The following KCNJ6 variants were observed in gnomAD, a reference collection of about 807,000 sequenced individuals.
KCNJ6 encodes the protein G protein-activated inward rectifier potassium channel 2.
KCNJ6 carries 9 observed loss-of-function variants against 34.2 expected under a neutral mutation model. The observed-to-expected ratio is 0.26, with a 90% CI of 0.16 to 0.46. The LOEUF is 0.46. Among genes scored for constraint, KCNJ6 ranks in the 20% least tolerant of loss-of-function variants. The pLI, the probability that KCNJ6 is intolerant of heterozygous loss-of-function variation, is 1.00. For synonymous variants in KCNJ6, 196 were observed against 207.1 expected (o/e 0.95, Z 0.46); for missense variants, 236 against 531.3 (o/e 0.44, Z 5.46).
Position 37,671,886 on chromosome 21 carries a change from A to AT in KCNJ6, c.946+42324dup, listed in dbSNP as rs35287056. Among the ~76,000 whole-genome samples the AT allele has an allele frequency of 1.3e-3, 192 of 151,716 alleles. 1 individual carries two copies. Among genetic ancestry groups the AT allele is most frequent in the African/African-American group, 4.2e-3 (173 of 41,402 alleles). ...AGGTCCTTATGTATAGAAATTCAACATTTTTTTTTGTGTTGATCTTGTACT... is the reference window on the plus strand; with the variant it reads ...AGGTCCTTATGTATAGAAATTCAACATTTTTTTTTTGTGTTGATCTTGTACT... On this transcript the variant is annotated intron_variant, in intron 3 of 3. Transcript: ENST00000609713.
At chr21:37,655,217 GTGTGTGTGAGAGAGAGAGA>G (rs2054454962) in intron 3 of KCNJ6, among the ~76,000 whole-genome samples, 12 of 93,336 alleles carry the variant, frequency 1.3e-4, no homozygotes, top group African/African-American at 3.3e-4. Flanking sequence ...GTGTGTGTGT[GTGTGTGTGAGAGAGAGAGA>G]GAGAGAGAGA....
intron 2 of KCNJ6, among the ~76,000 whole-genome samples, chr21:37,820,300 A>G (rs192940645): frequency 2.9e-4 from 44 of 152,282 alleles, no homozygotes; most frequent in Admixed American, 2.5e-3. Flanking sequence ...TTTTGCTTGA[A>G]TAAACTCTTT....
intron 3 of KCNJ6, among the ~76,000 whole-genome samples, chr21:37,661,614 G>GTTTT (rs59026391): frequency 1.4e-4 from 10 of 71,164 alleles, no homozygotes; most frequent in African/African-American, 3.2e-4. Flanking sequence ...AAGAGACATA[G>GTTTT]TTTTTTTTTT....
chr21:37,715,069 G>A lies in KCNJ6; in HGVS notation c.88C>T (p.Pro30Ser). The change falls in exon 3 of 4, where the codon CCA (proline) becomes TCA (serine). Residue 30 changes from proline to serine, a missense_variant. This residue lies in a region of KCNJ6 where 64 missense variants were observed against 68.9 expected (regional missense o/e 0.93). Coordinates refer to ENST00000609713, the MANE Select transcript of KCNJ6 (RefSeq NM_002240.5). Reference protein sequence around the residue: ...DVESPVAIHQPKLPKQARDDL... With the variant: ...DVESPVAIHQSKLPKQARDDL... The stretch of plus-strand genomic sequence containing the variant: ...TCCCTGGCCTGCTTAGGCAACTTTG[G>A]CTGGTGAATGGCCACTGGGCTTTCG... The A allele has an allele frequency of 6.2e-7, 1 of 1,614,168 alleles. No individual in the cohort carries two copies. Among genetic ancestry groups the A allele is most frequent in the Non-Finnish European group, 8.5e-7 (1 of 1,180,020 alleles).
At chr21:37,657,980 G>A (rs1045509235) in intron 3 of KCNJ6, among the ~76,000 whole-genome samples, 1 of 152,242 alleles carries the variant, frequency 6.6e-6, no homozygotes, top group Non-Finnish European at 1.5e-5. Flanking sequence ...GCCTTGCCTT[G>A]CAGGGCTGGT....
intron 2 of KCNJ6, among the ~76,000 whole-genome samples, chr21:37,797,006 G>A (rs1011268332): frequency 6.6e-6 from 1 of 151,486 alleles, no homozygotes; most frequent in African/African-American, 2.4e-5. Context: ...TGTTAGCCAG[G>A]ATGGTCTCGA....
At chr21:37,630,029 G>C (rs576246071) in intron 3 of KCNJ6, among the ~76,000 whole-genome samples, 80 of 152,162 alleles carry the variant, frequency 5.3e-4, no homozygotes, top group African/African-American at 1.9e-3. Flanking sequence ...TTAGGTCCCA[G>C]TCCAGTCTTT....
intron 3 of KCNJ6, among the ~76,000 whole-genome samples, chr21:37,673,074 A>C (rs1386486963): frequency 6.6e-6 from 1 of 152,268 alleles, no homozygotes; most frequent in East Asian, 1.9e-4. Context: ...GAGCAATAAT[A>C]TTCATTATTG....
chr21:37,656,485 C>T (rs1173140093), intron 3 of KCNJ6, among the ~76,000 whole-genome samples: 1 of 152,156 alleles, frequency 6.6e-6, no homozygotes, highest in African/African-American at 2.4e-5. Context: ...CATGGTGGCC[C>T]CCCACCCAGG....
intron 3 of KCNJ6, among the ~76,000 whole-genome samples, chr21:37,625,783 G>A (rs750021941): frequency 4.6e-5 from 7 of 152,208 alleles, no homozygotes; most frequent in Non-Finnish European, 8.8e-5. Context: ...ACAAGTTTTC[G>A]CATGTGCATG....
chr21:37,659,621 C>T (rs1459412709), intron 3 of KCNJ6, among the ~76,000 whole-genome samples: 1 of 152,212 alleles, frequency 6.6e-6, no homozygotes, highest in Non-Finnish European at 1.5e-5. Flanking sequence ...CTCAGATCCC[C>T]CCGACCTGGG....
chr21:37,806,866 T>A (rs1002176650), intron 2 of KCNJ6, among the ~76,000 whole-genome samples: 3 of 152,230 alleles, frequency 2.0e-5, no homozygotes, highest in Non-Finnish European at 4.4e-5. Flanking sequence ...CTAAGGAATT[T>A]TTTGCATTCA....
intron 3 of KCNJ6, among the ~76,000 whole-genome samples, chr21:37,677,940 T>C (rs1408931851): frequency 1.9e-5 from 1 of 52,480 alleles, no homozygotes; most frequent in Non-Finnish European, 5.2e-5. Context: ...AATTCATTCA[T>C]TGGCAAAGGC....
rs764250130 is a variant in KCNJ6, at chr21:37,714,350, G to A, written c.807C>T (p.Asp269=). The change falls in exon 3 of 4, where the codon GAC becomes GAT. Residue 269 remains aspartate (D), a synonymous_variant. Coordinates refer to ENST00000609713, the MANE Select transcript of KCNJ6 (RefSeq NM_002240.5). The surrounding 1 kb of genome is among the most constrained non-coding windows in gnomAD (Gnocchi z 5.9). ...TCAGCGGTGACACCAGAAACAGACG[G>A]TCATCCCCCGTGTAATACCCTACGT... The part of the protein sequence containing the change: ...DINVGYYTGD[D]RLFLVSPLII... The A allele has an allele frequency of 4.3e-6, 7 of 1,614,104 alleles. No homozygotes were observed. The highest frequency in any genetic ancestry group is 3.3e-5 in the Admixed American group (2 of 60,018).
At chr21:37,785,829 T>C (rs528398944) in intron 2 of KCNJ6, among the ~76,000 whole-genome samples, 5 of 152,302 alleles carry the variant, frequency 3.3e-5, no homozygotes, top group South Asian at 2.1e-4. Flanking sequence ...GATCATGAGA[T>C]TGGAGCCTAA....
chr21:37,756,879 C>G (rs368177464), intron 2 of KCNJ6, among the ~76,000 whole-genome samples: 1 of 79,910 alleles, frequency 1.3e-5, no homozygotes, highest in African/African-American at 5.4e-5. Context: ...GATTCCAGCC[C>G]GGAGTGAGCA....
At chr21:37,895,891 C>A (rs1366461416) in intron 1 of KCNJ6, among the ~76,000 whole-genome samples, 2 of 152,220 alleles carry the variant, frequency 1.3e-5, no homozygotes, top group Non-Finnish European at 2.9e-5. Context: ...AAATCAGAAA[C>A]TTTCTCACAA....
chr21:37,790,691 A>C (rs975617704), intron 2 of KCNJ6, among the ~76,000 whole-genome samples: 1 of 152,222 alleles, frequency 6.6e-6, no homozygotes, highest in Non-Finnish European at 1.5e-5. Context: ...CCTATATGTG[A>C]CTAAGGGACT....
chr21:37,692,973 A>T (rs1027098861), intron 3 of KCNJ6, among the ~76,000 whole-genome samples: 6 of 152,168 alleles, frequency 3.9e-5, no homozygotes, highest in Non-Finnish European at 8.8e-5. Flanking sequence ...GCCACAAAGA[A>T]ACTCATTCTG....
Sources: gnomAD v4.1 joint callset for allele counts (sites outside exome capture counted in the v4.1 genomes callset) on GRCh38, gnomAD v4.1.1 for gene constraint, gnomAD v4.1.1 regional missense constraint, Gnocchi (gnomAD v3.1) non-coding constraint, MANE v1.5 for transcripts, NCBI Gene and HGNC (gene_info 2026-07-23, HGNC 2026-07-21) for gene names.